The following SLC8A1 variants were observed in gnomAD, a reference collection of about 807,000 sequenced individuals.
SLC8A1 encodes solute carrier family 8 member A1.
In SLC8A1, 18 loss-of-function variants were observed where a neutral mutation model predicts 68.3. The observed-to-expected ratio is 0.26, with a 90% CI of 0.18 to 0.39. The LOEUF is 0.39. Among genes scored for constraint, SLC8A1 ranks in the 10% least tolerant of loss-of-function variants. SLC8A1 has a pLI of 1.00. For synonymous variants in SLC8A1, 475 were observed against 415.5 expected, an observed-to-expected ratio of 1.14 and a Z score of -1.74; for missense variants, 985 against 1,156.7, an observed-to-expected ratio of 0.85 and a Z score of 2.15.
chr2:40,280,464 G>A (rs966224342), intron 2 of SLC8A1, among the ~76,000 whole-genome samples: 1 of 152,174 alleles, frequency 6.6e-6, no homozygotes, highest in South Asian at 2.1e-4. Context: ...TAAAACACTG[G>A]TGGTCAAAAT....
At chr2:40,409,399 T>C (rs1691415597) in intron 2 of SLC8A1, among the ~76,000 whole-genome samples, 1 of 152,156 alleles carries the variant, frequency 6.6e-6, no homozygotes, top group Non-Finnish European at 1.5e-5. Flanking sequence ...TTAGGCTCTT[T>C]GTCAAAAACT....
intron 2 of SLC8A1, among the ~76,000 whole-genome samples, chr2:40,349,950 C>T (rs780003079): frequency 1.2e-4 from 18 of 152,004 alleles, no homozygotes; most frequent in Non-Finnish European, 1.6e-4. Flanking sequence ...TAAAATGGAG[C>T]TCCAAATTAA....
chr2:40,153,309 A>G (rs1218045447), intron 6 of SLC8A1, among the ~76,000 whole-genome samples: 1 of 152,192 alleles, frequency 6.6e-6, no homozygotes, highest in Non-Finnish European at 1.5e-5. Context: ...TAATGCTATT[A>G]ACTCACAGGG....
chr2:40,298,290 A>C (rs1193329740), intron 2 of SLC8A1, among the ~76,000 whole-genome samples: 4 of 152,206 alleles, frequency 2.6e-5, no homozygotes, highest in Non-Finnish European at 5.9e-5. Context: ...TTTGTCCAGC[A>C]AACTGCTTCC....
intron 2 of SLC8A1, among the ~76,000 whole-genome samples, chr2:40,290,086 G>A (rs2069021370): frequency 6.6e-6 from 1 of 151,918 alleles, no homozygotes; most frequent in African/African-American, 2.4e-5. Flanking sequence ...AAAGGAAGGA[G>A]GAGGAGTTTT....
intron 2 of SLC8A1, among the ~76,000 whole-genome samples, chr2:40,390,945 A>C (rs903142047): frequency 6.6e-6 from 1 of 152,088 alleles, no homozygotes; most frequent in Non-Finnish European, 1.5e-5. Flanking sequence ...TATGGGAGCT[A>C]CCGCATGGCT....
intron 2 of SLC8A1, among the ~76,000 whole-genome samples, chr2:40,191,770 T>A (rs942016521): frequency 1.2e-4 from 19 of 152,304 alleles, no homozygotes; most frequent in African/African-American, 2.2e-4. Context: ...AAAATTTTTT[T>A]AAATTTTATT....
intron 2 of SLC8A1, among the ~76,000 whole-genome samples, chr2:40,365,612 A>G (rs148901233): frequency 6.6e-6 from 1 of 152,182 alleles, no homozygotes; most frequent in East Asian, 1.9e-4. Flanking sequence ...TGCAGAAGTC[A>G]TGGGTCAGGT....
intron 2 of SLC8A1, among the ~76,000 whole-genome samples, chr2:40,416,322 A>G (rs1353076640): frequency 6.6e-6 from 1 of 152,198 alleles, no homozygotes; most frequent in Middle Eastern, 3.2e-3. Flanking sequence ...TTTAACATAT[A>G]TAATTCTACA....
At chr2:40,225,329 A>C (rs951696525) in intron 2 of SLC8A1, among the ~76,000 whole-genome samples, 2 of 152,162 alleles carry the variant, frequency 1.3e-5, no homozygotes, top group African/African-American at 4.8e-5. Context: ...ATTTAATTTG[A>C]ATATTCAATA....
intron 2 of SLC8A1, among the ~76,000 whole-genome samples, chr2:40,201,477 T>A (rs935959413): frequency 6.6e-6 from 1 of 151,972 alleles, no homozygotes; most frequent in African/African-American, 2.4e-5. Flanking sequence ...TTGATCTTGA[T>A]GATCAACCAC....
At chr2:40,340,128 G>A (rs1262104568) in intron 2 of SLC8A1, among the ~76,000 whole-genome samples, 1 of 152,212 alleles carries the variant, frequency 6.6e-6, no homozygotes, top group South Asian at 2.1e-4. Context: ...TTTAAGTCAA[G>A]ATATATTGCA....
At chr2:40,258,049 G>A (rs1169807306) in intron 2 of SLC8A1, among the ~76,000 whole-genome samples, 1 of 152,160 alleles carries the variant, frequency 6.6e-6, no homozygotes, top group Non-Finnish European at 1.5e-5. Context: ...TAAGCAAACA[G>A]AATGCCAAAC....
At chr2:40,446,640 A>G (rs1222333900) in intron 1 of SLC8A1, 1 of 152,266 alleles carries the variant, frequency 6.6e-6, no homozygotes, top group East Asian at 1.9e-4. Flanking sequence ...GTTCTAGACC[A>G]TGACATCCCT....
intron 1 of SLC8A1, among the ~76,000 whole-genome samples, chr2:40,479,271 A>C (rs1378550741): frequency 6.6e-6 from 1 of 152,182 alleles, no homozygotes; most frequent in African/African-American, 2.4e-5. Context: ...AGAGCTGTCA[A>C]AATTTGTATC....
Position 40,332,259 on chromosome 2 carries a change from G to A in SLC8A1, c.1808+96214C>T, listed in dbSNP as rs570012490. ...TCCCTTTACAGCACCACATGCAATTGGCTGTTTAGAAAATGCTTTTTGAGG... is the reference window on the plus strand; with the variant it reads ...TCCCTTTACAGCACCACATGCAATTAGCTGTTTAGAAAATGCTTTTTGAGG... On this transcript the variant is annotated intron_variant, in intron 2 of 7. Coordinates refer to ENST00000406785, the Ensembl canonical transcript of SLC8A1. Among the ~76,000 whole-genome samples, 10 of 152,264 alleles carry A rather than the reference G, an allele frequency of 6.6e-5. No homozygotes were observed. The East Asian group carries it at 1.7e-3, about 27-fold the overall frequency.
At chr2:40,191,379 G>A (rs935031744) in intron 2 of SLC8A1, among the ~76,000 whole-genome samples, 3 of 152,032 alleles carry the variant, frequency 2.0e-5, no homozygotes, top group African/African-American at 7.3e-5. Flanking sequence ...TTGATAGAAG[G>A]GATCCAAACA....
rs1399494786 is a variant in SLC8A1, at chr2:40,324,599, A to C, written c.1808+103874T>G. ...AAAAATGTAGGGTTTTAGTCTCCAC[A>C]AAGTGGCAATTTTGTTCATCCACTG... On this transcript the variant is annotated intron_variant, in intron 2 of 7. Coordinates refer to ENST00000406785, the Ensembl canonical transcript of SLC8A1. Among the ~76,000 whole-genome samples, 7 of 152,218 alleles carry C rather than the reference A, an allele frequency of 4.6e-5. No homozygotes were observed. In the South Asian group the frequency reaches 1.0e-3, roughly 23 times the overall value.
At chr2:40,274,447 C>T (rs1459388908) in intron 2 of SLC8A1, among the ~76,000 whole-genome samples, 2 of 151,998 alleles carry the variant, frequency 1.3e-5, no homozygotes, top group Non-Finnish European at 2.9e-5. Flanking sequence ...TGGAATGGGG[C>T]TGTCTCTGGA....
Sources: gnomAD v4.1 joint callset for allele counts (sites outside exome capture counted in the v4.1 genomes callset) on GRCh38, gnomAD v4.1.1 for gene constraint, MANE v1.5 for transcripts, NCBI Gene and HGNC (gene_info 2026-07-23, HGNC 2026-07-21) for gene names.